The following GRK4 variants were observed in gnomAD, a reference collection of about 807,000 sequenced individuals.
The protein encoded by GRK4 is G protein-coupled receptor kinase 4.
In GRK4, 73 loss-of-function variants were observed where a neutral mutation model predicts 77.9. The ratio of observed to expected loss-of-function variants is 0.94; its 90% confidence interval spans 0.78 to 1.14. GRK4 has a LOEUF of 1.14. Ranked by LOEUF, GRK4 falls within the 50% of genes most tolerant of loss-of-function variation. The pLI is 0.00. For missense variants in GRK4, 729 were observed against 700.2 expected, an observed-to-expected ratio of 1.04 and a Z score of -0.46; for synonymous variants, 257 against 254.4, an observed-to-expected ratio of 1.01 and a Z score of -0.10.
chr4:3,034,005 G>C (rs897897964), intron 12 of GRK4, among the ~76,000 whole-genome samples: 2 of 152,240 alleles, frequency 1.3e-5, no homozygotes, highest in African/African-American at 4.8e-5. Context: ...CACAGCCTTA[G>C]CTTCAGGAAG....
intron 4 of GRK4, among the ~76,000 whole-genome samples, chr4:3,002,718 G>C (rs1730198007): frequency 6.6e-6 from 1 of 152,042 alleles, no homozygotes; most frequent in South Asian, 2.1e-4. Flanking sequence ...AACTAGCCAG[G>C]TGTGGTGGCA....
At chr4:2,983,239 C>T (rs963631742) in intron 1 of GRK4, among the ~76,000 whole-genome samples, 4 of 152,196 alleles carry the variant, frequency 2.6e-5, no homozygotes, top group African/African-American at 7.2e-5. Context: ...CCACACTCAC[C>T]GTATTTAAGA....
Position 2,988,773 on chromosome 4 carries a change from T to C in GRK4, c.195T>C (p.Arg65=). 1.2e-6 allele frequency: 2 copies of C among 1,613,388 alleles called. No homozygotes were observed. Among genetic ancestry groups the C allele is most frequent in the East Asian group, 2.2e-5 (1 of 44,872 alleles). ...SLCDKQPIGR[R]LFRQFCDTKP... is the part of the protein sequence containing the mutation. ...GTGACAAGCAACCGATAGGAAGACG[T>C]CTCTTCAGGCAGTTCTGTGATACCA... is the stretch of plus-strand genomic sequence containing the variant. The change falls in exon 3 of 16, where the codon CGT becomes CGC. Residue 65 remains arginine (R), a synonymous_variant. Coordinates refer to ENST00000398052, the MANE Select transcript of GRK4 (RefSeq NM_182982.3).
chr4:3,024,653 A>C (rs984031512), intron 10 of GRK4, among the ~76,000 whole-genome samples: 1 of 152,136 alleles, frequency 6.6e-6, no homozygotes, highest in Non-Finnish European at 1.5e-5. Context: ...TGAGGTCAAG[A>C]GTTCGAGACC....
At chr4:2,967,571 G>C (rs75904144) in intron 1 of GRK4, among the ~76,000 whole-genome samples, 1 of 151,780 alleles carries the variant, frequency 6.6e-6, no homozygotes. Context: ...CTAATTTTTT[G>C]TATTTTTAGT....
intron 11 of GRK4, 139 bp from the exon 12 acceptor site, chr4:3,029,062 G>A (rs1167564854): frequency 1.3e-5 from 9 of 683,202 alleles, no homozygotes; most frequent in East Asian, 2.8e-5. Context: ...GTGAGCCACC[G>A]CTCCCAGCCT....
intron 4 of GRK4, among the ~76,000 whole-genome samples, chr4:2,997,226 C>T (rs1195251625): frequency 6.6e-6 from 1 of 152,058 alleles, no homozygotes; most frequent in Non-Finnish European, 1.5e-5. Flanking sequence ...AGAATCATAA[C>T]CAAAACCAAG....
chr4:2,968,377 C>T (rs1225771337), intron 1 of GRK4, among the ~76,000 whole-genome samples: 1 of 152,082 alleles, frequency 6.6e-6, no homozygotes, highest in Non-Finnish European at 1.5e-5. Flanking sequence ...GGTTAATATA[C>T]CTGTTATTAT....
intron 5 of GRK4, among the ~76,000 whole-genome samples, chr4:3,005,830 A>T (rs540957897): frequency 4.6e-5 from 7 of 152,156 alleles, no homozygotes; most frequent in East Asian, 1.9e-4. Flanking sequence ...AAATAAAAAT[A>T]AAAAACAAGG....
chr4:3,029,626 G>A (rs527882941), intron 12 of GRK4, among the ~76,000 whole-genome samples: 11 of 151,458 alleles, frequency 7.3e-5, no homozygotes, highest in Middle Eastern at 3.4e-3. Context: ...GGGAGGACAC[G>A]TGTGTTCAGG....
chr4:3,005,523 C>A (rs1731048268), intron 5 of GRK4, among the ~76,000 whole-genome samples: 1 of 152,098 alleles, frequency 6.6e-6, no homozygotes, highest in East Asian at 1.9e-4. Context: ...AACACACAGG[C>A]CGGGCGCGGT....
chr4:3,021,941 C>T (rs573434670), intron 9 of GRK4, among the ~76,000 whole-genome samples: 1 of 152,280 alleles, frequency 6.6e-6, no homozygotes, highest in South Asian at 2.1e-4. Context: ...CAGTAGGTAT[C>T]ACTAAGCATT....
At chr4:2,990,088 T>C (rs1560392312) in intron 3 of GRK4, among the ~76,000 whole-genome samples, 1 of 152,110 alleles carries the variant, frequency 6.6e-6, no homozygotes, top group Admixed American at 6.6e-5. Flanking sequence ...AACACAGCTT[T>C]TTAAAACTTT....
chr4:3,029,328 G>C lies in GRK4; in HGVS notation c.1188G>C (p.Glu396Asp). Residue 396 changes from glutamate (E) to aspartate (D), a missense_variant, in exon 12 of 16, where the codon GAG becomes GAC. Glu to Asp is a conservative substitution (Grantham distance 45). Transcript: ENST00000398052. ...AATACAAAGAGAAAGTCAAATGGGAGGAGGTCGATCAAAGAATCAAGAATG... is the reference window on the plus strand; with the variant it reads ...AATACAAAGAGAAAGTCAAATGGGACGAGGTCGATCAAAGAATCAAGAATG... ...FKKYKEKVKW[E>D]EVDQRIKNDT... 1 of 1,614,146 alleles carries C rather than the reference G, an allele frequency of 6.2e-7. No homozygotes were observed. The highest frequency in any genetic ancestry group is 8.5e-7 in the Non-Finnish European group (1 of 1,180,002).
chr4:3,004,453 C>A, intron 5 of GRK4, 119 bp downstream of exon 5: 1 of 614,806 alleles, frequency 1.6e-6, no homozygotes, highest in Non-Finnish European at 2.9e-6. Context: ...CCTTGAACAA[C>A]ATGGGCATTA....
chr4:2,965,108 T>C (rs1717122308), intron 1 of GRK4: 4 of 606,086 alleles, frequency 6.6e-6, no homozygotes, highest in Non-Finnish European at 8.8e-6. Flanking sequence ...GCCTTTGTTT[T>C]GCTTCTGTAA....
At chr4:3,019,952 C>T in intron 9 of GRK4, 121 bp downstream of exon 9, 7 of 894,532 alleles carry the variant, frequency 7.8e-6, no homozygotes, top group South Asian at 7.0e-5. Context: ...GGGAGGCCCT[C>T]GATGGTGATT....
At chr4:3,025,412 C>T (rs1172979786) in intron 10 of GRK4, among the ~76,000 whole-genome samples, 18 of 110,652 alleles carry the variant, frequency 1.6e-4, no homozygotes, top group East Asian at 2.7e-4. Flanking sequence ...TTTTTTGAGA[C>T]GGAGTCTTGC....
rs754962735 is a variant in GRK4, at chr4:3,020,586, A to C, written c.932+755A>C. On this transcript the variant is annotated intron_variant, in intron 9 of 15. Coordinates refer to ENST00000398052, the MANE Select transcript of GRK4 (RefSeq NM_182982.3). ...AATCAATGTATTTAGTTTTAGGAAAAAACAATTCCCCCTCCTGTCCCTTAA... is the reference window on the plus strand; with the variant it reads ...AATCAATGTATTTAGTTTTAGGAAACAACAATTCCCCCTCCTGTCCCTTAA... Among the ~76,000 whole-genome samples the C allele has an allele frequency of 9.9e-5, 15 of 152,164 alleles. 1 individual carries two copies. The highest frequency in any genetic ancestry group is 1.9e-4 in the Non-Finnish European group (13 of 68,036).
Sources: allele counts gnomAD v4.1 joint callset (sites outside exome capture counted in the v4.1 genomes callset), GRCh38; gene constraint gnomAD v4.1.1; transcripts MANE v1.5; gene names NCBI Gene and HGNC (gene_info 2026-07-23, HGNC 2026-07-21).